TENM4: variants seen among roughly 807,000 people sequenced by gnomAD.
TENM4 encodes teneurin transmembrane protein 4.
Under a neutral mutation model 243.3 loss-of-function variants are expected in TENM4, and 82 were observed. The observed-to-expected ratio is 0.34, with a 90% CI of 0.28 to 0.40. The LOEUF (loss-of-function observed/expected upper bound fraction) is 0.40, where lower values mean the gene tolerates loss of function less well. Among genes scored for constraint, TENM4 ranks in the 10% least tolerant of loss-of-function variants. TENM4 has a pLI of 1.00. For synonymous variants in TENM4, 1,412 were observed against 1,456.3 expected (o/e 0.97, Z 0.69); for missense variants, 3,138 against 3,673.3 (o/e 0.85, Z 3.77).
At chr11:79,130,731 G>A (rs908129637) in intron 4 of TENM4, among the ~76,000 whole-genome samples, 21 of 152,154 alleles carry the variant, frequency 1.4e-4, no homozygotes, top group African/African-American at 4.3e-4. Context: ...GCTGAGGCAG[G>A]AGAATGGTGT....
At chr11:79,309,190 C>T (rs1856678161) in intron 1 of TENM4, among the ~76,000 whole-genome samples, 1 of 152,194 alleles carries the variant, frequency 6.6e-6, no homozygotes, top group Non-Finnish European at 1.5e-5. Context: ...GTAAAATGTC[C>T]TTGTTTCTAT....
At chr11:79,419,771 C>T (rs72935089) in intron 1 of TENM4, among the ~76,000 whole-genome samples, 21,289 of 152,184 alleles carry the variant, frequency 0.14, 1,695 homozygotes, top group Middle Eastern at 0.18. Context: ...TCCACATCTC[C>T]ACTCCTTGGC....
chr11:79,163,093 C>T (rs1388387513), intron 3 of TENM4, among the ~76,000 whole-genome samples: 2 of 152,094 alleles, frequency 1.3e-5, no homozygotes, highest in African/African-American at 4.8e-5. Flanking sequence ...AGCCTGCTTA[C>T]CAGACACCTG....
chr11:79,109,590 C>T lies in TENM4; in HGVS notation c.-66+39120G>A, dbSNP rs377764974. 2.2e-3 allele frequency among the ~76,000 whole-genome samples: 334 copies of T among 152,290 alleles called. 13 individuals are homozygous for T. In the South Asian group the frequency reaches 0.065, roughly 30 times the overall value. On this transcript the variant is annotated intron_variant, in intron 4 of 33. Transcript: ENST00000278550. ...AGGTTCAAATCCCAGCCCACGCAAG[C>T]GAGCCAGGCAAGCTGGAGAACCCCT...
intron 2 of TENM4, among the ~76,000 whole-genome samples, chr11:79,278,524 T>C (rs1206361012): frequency 6.6e-6 from 1 of 152,196 alleles, no homozygotes; most frequent in Non-Finnish European, 1.5e-5. Flanking sequence ...TGAGAACCTC[T>C]TGAAAGAACT....
intron 15 of TENM4, among the ~76,000 whole-genome samples, chr11:78,791,363 A>G (rs895125234): frequency 2.6e-5 from 4 of 152,256 alleles, no homozygotes; most frequent in African/African-American, 9.6e-5. Context: ...AAACAGGACT[A>G]TGCTAAAGAA....
Position 79,157,182 on chromosome 11 carries a change from T to A in TENM4, c.-162-8376A>T, listed in dbSNP as rs376150389. Among the ~76,000 whole-genome samples the A allele has an allele frequency of 1.9e-3, 285 of 152,306 alleles. 11 individuals carry two copies. The South Asian group carries it at 0.056, about 30-fold the overall frequency. On this transcript the variant is annotated intron_variant, in intron 3 of 33. Transcript: ENST00000278550. ...AGAGCCCAGGACTATACGACATTAG[T>A]TGGTCATTCTAAGTCCCATTTATTG... is the stretch of plus-strand genomic sequence containing the variant.
At chr11:79,376,028 G>A (rs958601377) in intron 1 of TENM4, among the ~76,000 whole-genome samples, 1 of 152,186 alleles carries the variant, frequency 6.6e-6, no homozygotes, top group Non-Finnish European at 1.5e-5. Context: ...TTAACACCAA[G>A]AACACTGGGG....
At chr11:79,428,424 T>C (rs1859099089) in intron 1 of TENM4, among the ~76,000 whole-genome samples, 1 of 152,190 alleles carries the variant, frequency 6.6e-6, no homozygotes. Context: ...TCACTAACCC[T>C]GGAAAGCTAT....
intron 25 of TENM4, among the ~76,000 whole-genome samples, chr11:78,714,886 A>G (rs1859488066): frequency 6.6e-6 from 1 of 151,970 alleles, no homozygotes; most frequent in African/African-American, 2.4e-5. Flanking sequence ...GCATCCATTC[A>G]TTGCTGGACG....
intron 1 of TENM4, among the ~76,000 whole-genome samples, chr11:79,347,350 T>G (rs1208022193): frequency 6.6e-6 from 1 of 152,220 alleles, no homozygotes; most frequent in Non-Finnish European, 1.5e-5. Flanking sequence ...TGGCTTCCTC[T>G]GCATTTTCTT....
intron 3 of TENM4, among the ~76,000 whole-genome samples, chr11:79,150,820 T>A (rs573044153): frequency 3.1e-4 from 47 of 152,320 alleles, no homozygotes; most frequent in East Asian, 1.5e-3. Flanking sequence ...AGTGTTTTTT[T>A]ATAAAATAAT....
chr11:79,310,061 C>T (rs1355544628), intron 1 of TENM4, among the ~76,000 whole-genome samples: 5 of 152,198 alleles, frequency 3.3e-5, no homozygotes, highest in East Asian at 3.9e-4. Context: ...TTACCACTGT[C>T]GGTGTGTCTG....
intron 3 of TENM4, among the ~76,000 whole-genome samples, chr11:79,212,842 G>T (rs903334973): frequency 3.9e-5 from 6 of 152,142 alleles, no homozygotes; most frequent in Admixed American, 1.3e-4. Flanking sequence ...CAGCCGTTAA[G>T]CAGGAGGAGG....
intron 7 of TENM4, among the ~76,000 whole-genome samples, chr11:78,897,588 G>C (rs1397082377): frequency 6.6e-6 from 1 of 152,168 alleles, no homozygotes; most frequent in African/African-American, 2.4e-5. Context: ...CTGCTCAGAG[G>C]ACTCCCTCTG....
At chr11:79,395,998 T>C (rs1858335936) in intron 1 of TENM4, among the ~76,000 whole-genome samples, 1 of 152,232 alleles carries the variant, frequency 6.6e-6, no homozygotes, top group South Asian at 2.1e-4. Context: ...GCATACCAAG[T>C]GTCTAGCTCT....
At chr11:79,165,554 G>A (rs369929990) in intron 3 of TENM4, among the ~76,000 whole-genome samples, 1 of 152,136 alleles carries the variant, frequency 6.6e-6, no homozygotes, top group Non-Finnish European at 1.5e-5. Context: ...TCCTTTGTAG[G>A]ATGTATAGTT....
chr11:79,139,814 T>TA lies in TENM4; in HGVS notation c.-66+8895_-66+8896insT, dbSNP rs1862250479. 1.4e-4 allele frequency among the ~76,000 whole-genome samples: 9 copies of TA among 65,258 alleles called. 1 individual carries two copies. The highest frequency in any genetic ancestry group is 7.3e-4 in the African/African-American group (9 of 12,398). 42.8% of individuals were successfully genotyped at this position (65,258 alleles called of 152,430 possible). On this transcript the variant is annotated intron_variant, in intron 4 of 33. Coordinates refer to ENST00000278550, the MANE Select transcript of TENM4 (RefSeq NM_001098816.3). ...ATTTATATAAATATATAATATATAT[T>TA]TTATATTTATATATAATACATAGAT...
rs527450265 is a variant in TENM4, at chr11:79,113,201, G to C, written c.-66+35509C>G. Reference sequence around the variant, plus strand: ...CCCTGGGGGTCAGAGTCAGCTGAGGGTCAGGGATATAAGCTGGACTTCATT... The same window carrying C: ...CCCTGGGGGTCAGAGTCAGCTGAGGCTCAGGGATATAAGCTGGACTTCATT... On this transcript the variant is annotated intron_variant, in intron 4 of 33. Coordinates refer to ENST00000278550, the MANE Select transcript of TENM4 (RefSeq NM_001098816.3). 1.3e-4 allele frequency among the ~76,000 whole-genome samples: 20 copies of C among 152,196 alleles called. 1 individual carries two copies. The highest frequency in any genetic ancestry group is 1.2e-3 in the Admixed American group (18 of 15,290).
Sources: gnomAD v4.1 joint callset for allele counts (sites outside exome capture counted in the v4.1 genomes callset) on GRCh38, gnomAD v4.1.1 for gene constraint, MANE v1.5 for transcripts, NCBI Gene and HGNC (gene_info 2026-07-23, HGNC 2026-07-21) for gene names.